The following MGAT4C variants were observed in gnomAD, a reference collection of about 807,000 sequenced individuals.
The protein encoded by MGAT4C is MGAT4 family member C.
Under a neutral mutation model 40.1 loss-of-function variants are expected in MGAT4C, and 19 were observed. That is an observed-to-expected ratio of 0.47 (90% CI 0.33 to 0.70). The LOEUF is 0.70. Among genes scored for constraint, MGAT4C ranks in the 30% least tolerant of loss-of-function variants. MGAT4C has a pLI of 0.02. For synonymous variants in MGAT4C, 181 were observed against 187.1 expected (o/e 0.97, Z 0.27); for missense variants, 491 against 563.2 (o/e 0.87, Z 1.30).
chr12:86,192,757 A>C (rs536800518), intron 1 of MGAT4C, among the ~76,000 whole-genome samples: 1 of 152,292 alleles, frequency 6.6e-6, no homozygotes, highest in East Asian at 1.9e-4. Flanking sequence ...TCGTTTTTCT[A>C]TCAACAAGTA....
chr12:86,200,363 G>A (rs1023142971), intron 1 of MGAT4C, among the ~76,000 whole-genome samples: 1 of 151,860 alleles, frequency 6.6e-6, no homozygotes, highest in Admixed American at 6.6e-5. Flanking sequence ...AAGTAGTTTT[G>A]TAAACATGTA....
At chr12:86,802,947 G>T (rs897557293) in intron 1 of MGAT4C, among the ~76,000 whole-genome samples, 7 of 124,088 alleles carry the variant, frequency 5.6e-5, no homozygotes, top group African/African-American at 1.8e-4. Context: ...AAACGAGCCT[G>T]CATCGCCAAG....
chr12:86,192,414 C>T (rs1265968996), intron 1 of MGAT4C, among the ~76,000 whole-genome samples: 3 of 152,200 alleles, frequency 2.0e-5, no homozygotes, highest in South Asian at 4.1e-4. Flanking sequence ...AGCAACAGCC[C>T]TTCCACACCT....
chr12:85,988,936 C>T (rs1565821008), intron 3 of MGAT4C, among the ~76,000 whole-genome samples: 1 of 151,918 alleles, frequency 6.6e-6, no homozygotes, highest in Non-Finnish European at 1.5e-5. Flanking sequence ...AGGTGTTACA[C>T]ATTGTAATAA....
At chr12:86,008,730 T>G (rs1254518704) in intron 2 of MGAT4C, among the ~76,000 whole-genome samples, 1 of 152,114 alleles carries the variant, frequency 6.6e-6, no homozygotes, top group Non-Finnish European at 1.5e-5. Flanking sequence ...GGTATGAAGA[T>G]AGTTGTAGTT....
At chr12:86,379,996 C>A (rs1244895914) in intron 3 of MGAT4C, among the ~76,000 whole-genome samples, 1 of 152,034 alleles carries the variant, frequency 6.6e-6, no homozygotes, top group Non-Finnish European at 1.5e-5. Flanking sequence ...TTATTCTAAC[C>A]TTTCACTCTA....
At chr12:86,198,528 G>A (rs61948991) in intron 1 of MGAT4C, among the ~76,000 whole-genome samples, 12,664 of 152,084 alleles carry the variant, frequency 0.083, 629 homozygotes, top group Middle Eastern at 0.22. Flanking sequence ...TTGTTCGCAT[G>A]CATAGAAATT....
chr12:86,192,369 A>G (rs1316425427), intron 1 of MGAT4C, among the ~76,000 whole-genome samples: 1 of 152,184 alleles, frequency 6.6e-6, no homozygotes, highest in African/African-American at 2.4e-5. Context: ...GATGAAGCTG[A>G]GGACACTGAA....
At chr12:86,030,433 T>A (rs975524482) in intron 2 of MGAT4C, among the ~76,000 whole-genome samples, 1 of 151,690 alleles carries the variant, frequency 6.6e-6, no homozygotes, top group Non-Finnish European at 1.5e-5. Context: ...ATGTACAGAG[T>A]TCTACATGAG....
chr12:86,698,683 G>T (rs1950302667), intron 2 of MGAT4C, among the ~76,000 whole-genome samples: 1 of 151,940 alleles, frequency 6.6e-6, no homozygotes, highest in Non-Finnish European at 1.5e-5. Context: ...AGCTGTGGGG[G>T]GGGTGGGTAT....
At chr12:86,376,218 C>CAAAA (rs1166300466) in intron 3 of MGAT4C, among the ~76,000 whole-genome samples, 3 of 50,746 alleles carry the variant, frequency 5.9e-5, no homozygotes, top group Non-Finnish European at 1.2e-4. Flanking sequence ...TAACACATGT[C>CAAAA]AAAAAAAAAA....
chr12:86,201,965 T>C (rs1435879486), intron 1 of MGAT4C, among the ~76,000 whole-genome samples: 1 of 151,992 alleles, frequency 6.6e-6, no homozygotes. Context: ...TGCTGTTACA[T>C]ACAATTGTTC....
intron 3 of MGAT4C, among the ~76,000 whole-genome samples, chr12:86,410,367 C>T (rs1956579772): frequency 1.3e-5 from 2 of 152,106 alleles, no homozygotes; most frequent in Non-Finnish European, 2.9e-5. Context: ...GAATGCATTC[C>T]TTCCGCAGGG....
intron 1 of MGAT4C, among the ~76,000 whole-genome samples, chr12:86,110,377 G>A (rs555689710): frequency 8.6e-6 from 1 of 115,748 alleles, no homozygotes; most frequent in African/African-American, 3.1e-5. Context: ...AGGGGTTGAA[G>A]TGAAATTAGC....
At chr12:86,673,597 G>A (rs1306509642) in intron 2 of MGAT4C, among the ~76,000 whole-genome samples, 1 of 152,070 alleles carries the variant, frequency 6.6e-6, no homozygotes, top group East Asian at 1.9e-4. Context: ...GCGTAATTTT[G>A]CTACTCATGT....
chr12:86,539,249 C>A (rs1461307840), intron 2 of MGAT4C, among the ~76,000 whole-genome samples: 11 of 149,978 alleles, frequency 7.3e-5, no homozygotes, highest in Non-Finnish European at 3.0e-5. Flanking sequence ...TGTTCAATTC[C>A]CACCTATGAA....
intron 3 of MGAT4C, among the ~76,000 whole-genome samples, chr12:86,411,550 T>C (rs1390249862): frequency 6.6e-6 from 1 of 152,206 alleles, no homozygotes; most frequent in Non-Finnish European, 1.5e-5. Context: ...ATTCAAGATA[T>C]ATCCTGGCTA....
At chr12:86,814,553 C>A (rs1019169564) in intron 1 of MGAT4C, among the ~76,000 whole-genome samples, 3 of 151,382 alleles carry the variant, frequency 2.0e-5, no homozygotes, top group African/African-American at 7.3e-5. Flanking sequence ...ACATTAATTC[C>A]AATTCTCTTA....
chr12:86,778,679 C>T (rs957959174), intron 1 of MGAT4C, among the ~76,000 whole-genome samples: 14 of 152,128 alleles, frequency 9.2e-5, no homozygotes, highest in Admixed American at 9.2e-4. Context: ...TAGGACGTAG[C>T]TTTTCTACCA....
Sources: gnomAD v4.1 joint callset for allele counts (sites outside exome capture counted in the v4.1 genomes callset) on GRCh38, gnomAD v4.1.1 for gene constraint, MANE v1.5 for transcripts, NCBI Gene and HGNC (gene_info 2026-07-23, HGNC 2026-07-21) for gene names.